Variants in BCL2L11 observed in about 807,000 individuals in gnomAD.
BCL2L11 encodes bcl-2-like protein 11.
Under a neutral mutation model 20.6 loss-of-function variants are expected in BCL2L11, and 15 were observed. The observed-to-expected ratio is 0.73, with a 90% CI of 0.49 to 1.12. BCL2L11 has a LOEUF of 1.12. BCL2L11 is among the 50% of genes most tolerant of loss of function. The pLI, the probability that BCL2L11 is intolerant of heterozygous loss-of-function variation, is 0.00. For synonymous variants in BCL2L11, 108 were observed against 92.8 expected, an observed-to-expected ratio of 1.16 and a Z score of -0.94; for missense variants, 292 against 260.9, an observed-to-expected ratio of 1.12 and a Z score of -0.82.
At position 111,166,134 on chromosome 2, in the gene BCL2L11, TG is replaced by T. The variant is rs2079008498; in HGVS notation, c.*1906del. On this transcript the variant is annotated 3_prime_UTR_variant, in exon 4 of 4. Coordinates refer to ENST00000393256, the MANE Select transcript of BCL2L11 (RefSeq NM_138621.5). ...ACAAGCAGTGGTAGGATTGCAGCCG[TG>T]GGCCTGCTGGACACACACATACACC... is the stretch of plus-strand genomic sequence containing the variant. 6.5e-6 allele frequency: 1 copy of T among 152,682 alleles called. No individual in the cohort carries two copies. Among genetic ancestry groups the T allele is most frequent in the African/African-American group, 2.4e-5 (1 of 41,462 alleles). 9.5% of individuals were successfully genotyped at this position (152,682 alleles called of 1,614,324 possible).
intron 2 of BCL2L11, among the ~76,000 whole-genome samples, chr2:111,140,528 C>T (rs2075638471): frequency 6.6e-6 from 1 of 152,148 alleles, no homozygotes; most frequent in Admixed American, 6.5e-5. Flanking sequence ...CGTGCATCTG[C>T]GAAGGTGTCT....
intron 3 of BCL2L11, 122 bp from the exon 4 acceptor site, chr2:111,164,011 C>A: frequency 1.5e-6 from 1 of 682,276 alleles, no homozygotes; most frequent in South Asian, 1.7e-5. Context: ...ACACAGTGCT[C>A]TTGAAGAGGT....
At chr2:111,147,384 A>ACACC (rs1391154313) in intron 2 of BCL2L11, among the ~76,000 whole-genome samples, 32 of 148,198 alleles carry the variant, frequency 2.2e-4, no homozygotes, top group African/African-American at 7.6e-4. Context: ...ACACACACAC[A>ACACC]CACACACCCG....
In BCL2L11 at chr2:111,150,163, T is replaced by G. The variant is rs755213221; in HGVS notation, c.498+16T>G. 6.2e-6 allele frequency: 10 copies of G among 1,612,056 alleles called. No individual in the cohort carries two copies. Among genetic ancestry groups the G allele is most frequent in the Non-Finnish European group, 5.9e-6 (7 of 1,178,846 alleles). Reference sequence around the variant, plus strand: ...TGCAAGGAGGGTAATGATGTTTTCTTTACCCGCTTTTCTGCTCACACCCTC... The same window carrying G: ...TGCAAGGAGGGTAATGATGTTTTCTGTACCCGCTTTTCTGCTCACACCCTC... On this transcript the variant is annotated intron_variant, in intron 3 of 3. Transcript: ENST00000393256.
chr2:111,164,297 A>AC lies in BCL2L11; in HGVS notation c.*68dup, dbSNP rs1192042825. The AC allele has an allele frequency of 2.1e-5, 25 of 1,205,602 alleles. No homozygotes were observed. The highest frequency in any genetic ancestry group is 2.8e-5 in the Non-Finnish European group (23 of 808,208). 74.7% of individuals were successfully genotyped at this position (1,205,602 alleles called of 1,614,324 possible). On this transcript the variant is annotated 3_prime_UTR_variant, in exon 4 of 4. Coordinates refer to ENST00000393256, the MANE Select transcript of BCL2L11 (RefSeq NM_138621.5). The stretch of plus-strand genomic sequence containing the variant: ...CTTGTTCAAACCAACAAGACCCAGC[A>AC]CCGCGGTCTCCTGGTGCCATTATTA...
intron 1 of BCL2L11, among the ~76,000 whole-genome samples, chr2:111,121,389 G>T (rs530970245): frequency 6.6e-6 from 1 of 152,190 alleles, no homozygotes; most frequent in African/African-American, 2.4e-5. Context: ...AAGAAAAGTC[G>T]TTCACGCGGA....
chr2:111,142,454 T>C, intron 2 of BCL2L11: 2 of 1,286,260 alleles, frequency 1.6e-6, no homozygotes, highest in Non-Finnish European at 2.2e-6. Context: ...TTGTGACTTT[T>C]AAGTGAGAAG....
At chr2:111,151,422 T>C (rs532678066) in intron 3 of BCL2L11, among the ~76,000 whole-genome samples, 1 of 152,358 alleles carries the variant, frequency 6.6e-6, no homozygotes, top group Admixed American at 6.5e-5. Flanking sequence ...TTATAGTTGT[T>C]AATATCATTT....
At chr2:111,123,474 A>G in intron 1 of BCL2L11, 4 of 985,376 alleles carry the variant, frequency 4.1e-6, no homozygotes, top group Non-Finnish European at 4.8e-6. Context: ...TTCTCTGGAA[A>G]CGCATGTGTG....
chr2:111,123,268 C>T (rs1363079762), intron 1 of BCL2L11: 2 of 985,376 alleles, frequency 2.0e-6, no homozygotes, highest in Non-Finnish European at 2.4e-6. Flanking sequence ...ACTTGCTGCC[C>T]TCAGCATTTT....
At chr2:111,146,108 G>A in intron 2 of BCL2L11, 1 of 985,144 alleles carries the variant, frequency 1.0e-6, no homozygotes, top group Non-Finnish European at 1.2e-6. Flanking sequence ...TTAGTGCCAG[G>A]TTTATGGAGT....
At chr2:111,122,845 G>C (rs1264536003) in intron 1 of BCL2L11, 1 of 985,476 alleles carries the variant, frequency 1.0e-6, no homozygotes, top group African/African-American at 1.7e-5. Context: ...GGGGCGCCCG[G>C]TCGGCGAAGG....
chr2:111,139,951 G>A (rs1298622606), intron 2 of BCL2L11, among the ~76,000 whole-genome samples: 1 of 152,234 alleles, frequency 6.6e-6, no homozygotes, highest in Non-Finnish European at 1.5e-5. Context: ...TGGACCACGA[G>A]GCAGCAGTGA....
chr2:111,121,841 C>T (rs1398872269), intron 1 of BCL2L11, among the ~76,000 whole-genome samples: 1 of 152,208 alleles, frequency 6.6e-6, no homozygotes, highest in Admixed American at 6.5e-5. Context: ...AGCGAGAAAT[C>T]TAGGTCCTCC....
chr2:111,159,143 G>GAGGCAC lies in BCL2L11; in HGVS notation c.499-4974_499-4969dup, dbSNP rs553529536. On this transcript the variant is annotated intron_variant, in intron 3 of 3. Coordinates refer to ENST00000393256, the MANE Select transcript of BCL2L11 (RefSeq NM_138621.5). ...GAGGAGCAACGGGCCCTTCCCAGCA[G>GAGGCAC]AGGCACAGGCACAGGCACAGGGTGT... is the stretch of plus-strand genomic sequence containing the variant. 4.6e-5 allele frequency among the ~76,000 whole-genome samples: 7 copies of GAGGCAC among 152,324 alleles called. No homozygotes were observed. The East Asian group carries it at 5.8e-4, about 13-fold the overall frequency.
Position 111,164,132 on chromosome 2 carries a change from G to C in BCL2L11, c.499-1G>C. On this transcript the variant is annotated splice_acceptor_variant, in intron 3 of 3. Transcript: ENST00000393256. LOFTEE classifies it high-confidence loss of function. ...AAGAAGCTTTCCTTTTGTTGTTTCA[G>C]GTATTTTTGAATAATTACCAAGCAG... 6.6e-7 allele frequency: 1 copy of C among 1,505,488 alleles called. No homozygotes were observed. Among genetic ancestry groups the C allele is most frequent in the Non-Finnish European group, 9.1e-7 (1 of 1,102,812 alleles). 93.3% of individuals were successfully genotyped at this position (1,505,488 alleles called of 1,614,324 possible).
At chr2:111,161,400 A>G (rs1452901011) in intron 3 of BCL2L11, 1 of 1,550,292 alleles carries the variant, frequency 6.5e-7, no homozygotes, top group African/African-American at 1.4e-5. Flanking sequence ...CAGAACTTAA[A>G]TGCACTTTTG....
At chr2:111,160,637 C>T (rs1371094975) in intron 3 of BCL2L11, among the ~76,000 whole-genome samples, 1 of 152,138 alleles carries the variant, frequency 6.6e-6, no homozygotes, top group African/African-American at 2.4e-5. Context: ...TGGGTGGGGC[C>T]CTCCTCTTTG....
chr2:111,121,388 C>G (rs561965665), intron 1 of BCL2L11, among the ~76,000 whole-genome samples, 200 bp downstream of exon 1: 1 of 152,200 alleles, frequency 6.6e-6, no homozygotes, highest in East Asian at 1.9e-4. Context: ...AAAGAAAAGT[C>G]GTTCACGCGG....
Sources: gnomAD v4.1 joint callset for allele counts (sites outside exome capture counted in the v4.1 genomes callset) on GRCh38, gnomAD v4.1.1 for gene constraint, MANE v1.5 for transcripts, NCBI Gene and HGNC (gene_info 2026-07-23, HGNC 2026-07-21) for gene names.